Variants in DCAF8L2 observed in about 807,000 individuals in gnomAD.
DCAF8L2 encodes the protein DDB1- and CUL4-associated factor 8-like protein 2.
For missense variants in DCAF8L2, 430 were observed against 490.7 expected (o/e 0.88, Z 1.17); for synonymous variants, 200 against 190.9 (o/e 1.05, Z -0.39).
intron 4 of DCAF8L2, among the ~76,000 whole-genome samples, chrX:27,745,354 T>C (rs2094728177): frequency 8.9e-6 from 1 of 112,205 alleles, no homozygotes; most frequent in Admixed American, 9.5e-5. Context: ...ATGAAAACAA[T>C]ATAGACTTGC....
chrX:27,519,328 G>A, the DCAF8L2 span: 1 of 1,102,699 alleles, frequency 9.1e-7, no homozygotes, highest in African/African-American at 1.8e-5. Context: ...GCTTGAAAAG[G>A]AGCGTCGAGC....
At chrX:27,506,325 G>A in the DCAF8L2 span, among the ~76,000 whole-genome samples, 4 of 111,437 alleles carry the variant, frequency 3.6e-5, no homozygotes, top group East Asian at 5.7e-4. Flanking sequence ...GTACACCCTC[G>A]TCCATGAAAA....
Position 27,703,326 on chromosome X carries a change from G to A in DCAF8L2, c.-142-12762G>A, listed in dbSNP as rs1365949935. On this transcript the variant is annotated intron_variant, in intron 3 of 4. Transcript: ENST00000451261. ...GCATTTTTGCAGATATTGGCAAACC[G>A]ATCCTAAATTTATATGGAAATATAA... 3.6e-5 allele frequency among the ~76,000 whole-genome samples: 4 copies of A among 110,769 alleles called. No homozygotes were observed. The Admixed American group carries it at 3.9e-4, about 11-fold the overall frequency.
the DCAF8L2 span, among the ~76,000 whole-genome samples, chrX:27,550,049 T>C: frequency 3.6e-5 from 4 of 111,948 alleles, no homozygotes; most frequent in African/African-American, 9.7e-5. Flanking sequence ...CCCTTATTCC[T>C]CACAAATCTT....
the DCAF8L2 span, among the ~76,000 whole-genome samples, chrX:27,579,836 T>A: frequency 4.5e-5 from 5 of 110,109 alleles, no homozygotes; most frequent in African/African-American, 1.6e-4. Context: ...TAGAGATTTT[T>A]AAAAATATAA....
chrX:27,572,809 G>A, the DCAF8L2 span, among the ~76,000 whole-genome samples: 3 of 111,313 alleles, frequency 2.7e-5, no homozygotes, highest in Non-Finnish European at 3.8e-5. Context: ...TTTCTCCGTG[G>A]CTTGTCTACT....
the DCAF8L2 span, among the ~76,000 whole-genome samples, chrX:27,543,949 G>A: frequency 1.8e-5 from 2 of 112,118 alleles, no homozygotes; most frequent in Non-Finnish European, 3.8e-5. Flanking sequence ...AACAGAAGTA[G>A]CTCTACAAAG....
At chrX:27,536,315 A>T in the DCAF8L2 span, among the ~76,000 whole-genome samples, 2 of 112,845 alleles carry the variant, frequency 1.8e-5, no homozygotes, top group East Asian at 2.8e-4. Flanking sequence ...TATAAGGTGA[A>T]CTAGGTTTCT....
chrX:27,547,911 C>CTCTCTCTCT, the DCAF8L2 span, among the ~76,000 whole-genome samples: 1 of 95,237 alleles, frequency 1.1e-5, no homozygotes, highest in Non-Finnish European at 2.1e-5. Flanking sequence ...CTCTCTCTCT[C>CTCTCTCTCT]CTGTTGCCAT....
At chrX:27,554,925 T>A in the DCAF8L2 span, among the ~76,000 whole-genome samples, 1 of 111,630 alleles carries the variant, frequency 9.0e-6, no homozygotes, top group Non-Finnish European at 1.9e-5. Context: ...GACCTCTGAA[T>A]CACACACCAT....
chrX:27,612,569 A>G (rs1250052270), intron 1 of DCAF8L2, among the ~76,000 whole-genome samples: 3 of 111,861 alleles, frequency 2.7e-5, no homozygotes, highest in African/African-American at 9.8e-5. Flanking sequence ...TAGGGTTTCT[A>G]TGGTTTTAGG....
chrX:27,647,880 C>T lies in DCAF8L2; in HGVS notation c.-220+15880C>T, dbSNP rs749045277. Reference sequence around the variant, plus strand: ...AGTTAACAATGAGATCTCATAACTTCATTCCTGCCCTTGCTTATGATATGA... The same window carrying T: ...AGTTAACAATGAGATCTCATAACTTTATTCCTGCCCTTGCTTATGATATGA... On this transcript the variant is annotated intron_variant, in intron 2 of 4. Coordinates refer to ENST00000451261, the MANE Select transcript of DCAF8L2 (RefSeq NM_001353450.2). 1.1e-4 allele frequency among the ~76,000 whole-genome samples: 12 copies of T among 112,121 alleles called. No individual in the cohort carries two copies. In the East Asian group the frequency reaches 2.8e-3, roughly 26 times the overall value.
the DCAF8L2 span, among the ~76,000 whole-genome samples, chrX:27,514,220 T>C: frequency 5.7e-3 from 633 of 110,205 alleles, 7 homozygotes; most frequent in African/African-American, 0.02. Flanking sequence ...GTGTGCTATG[T>C]ACCTATATGT....
chrX:27,593,564 G>T (rs1474717235), intron 1 of DCAF8L2, among the ~76,000 whole-genome samples: 1 of 111,913 alleles, frequency 8.9e-6, no homozygotes, highest in Admixed American at 9.5e-5. Context: ...TGGTGAGGCA[G>T]CCTCACACTT....
intron 4 of DCAF8L2, among the ~76,000 whole-genome samples, chrX:27,721,401 T>G (rs776015899): frequency 8.9e-6 from 1 of 111,770 alleles, no homozygotes; most frequent in South Asian, 3.6e-4. Flanking sequence ...TAAATATATA[T>G]AGAACAAGGA....
chrX:27,696,791 T>C (rs972497849), intron 3 of DCAF8L2, among the ~76,000 whole-genome samples: 1 of 110,907 alleles, frequency 9.0e-6, no homozygotes, highest in Non-Finnish European at 1.9e-5. Flanking sequence ...GTTTGATTCT[T>C]GAATCTCTCT....
chrX:27,493,548 C>G, the DCAF8L2 span, among the ~76,000 whole-genome samples: 2 of 107,368 alleles, frequency 1.9e-5, no homozygotes, highest in African/African-American at 6.8e-5. Context: ...CTGTCTTTAC[C>G]AAAAATACAA....
chrX:27,550,306 T>C, the DCAF8L2 span, among the ~76,000 whole-genome samples: 2 of 111,970 alleles, frequency 1.8e-5, no homozygotes, highest in Admixed American at 1.9e-4. Flanking sequence ...GGGGTGTATG[T>C]GATGTTTCAA....
chrX:27,728,902 T>C (rs1921027067), intron 4 of DCAF8L2, among the ~76,000 whole-genome samples: 1 of 111,730 alleles, frequency 9.0e-6, no homozygotes, highest in Non-Finnish European at 1.9e-5. Context: ...CATGGGTTTT[T>C]ATTTGTCTTC....
Sources: allele counts gnomAD v4.1 joint callset (sites outside exome capture counted in the v4.1 genomes callset), GRCh38; gene constraint gnomAD v4.1.1; transcripts MANE v1.5; gene names NCBI Gene and HGNC (gene_info 2026-07-23, HGNC 2026-07-21).